LRRC4C: variants seen among roughly 807,000 people sequenced by gnomAD.
The protein encoded by LRRC4C is leucine-rich repeat-containing protein 4C.
Under a neutral mutation model 33.6 loss-of-function variants are expected in LRRC4C, and 5 were observed. The observed-to-expected ratio is 0.15, with a 90% CI of 0.08 to 0.31. The LOEUF is 0.31. Among genes scored for constraint, LRRC4C ranks in the 10% least tolerant of loss-of-function variants. LRRC4C has a pLI of 1.00. For missense variants in LRRC4C, 560 were observed against 796.7 expected (o/e 0.70, Z 3.58); for synonymous variants, 329 against 302.0 (o/e 1.09, Z -0.93).
intron 1 of LRRC4C, among the ~76,000 whole-genome samples, chr11:41,075,739 C>T (rs183206939): frequency 9.7e-4 from 148 of 152,238 alleles, no homozygotes; most frequent in Non-Finnish European, 9.7e-4. Flanking sequence ...GTATTATCTG[C>T]CCTTAATTCC....
intron 1 of LRRC4C, among the ~76,000 whole-genome samples, chr11:41,192,685 C>T (rs11036282): frequency 1.3e-5 from 2 of 151,884 alleles, no homozygotes; most frequent in African/African-American, 2.4e-5. Context: ...TGCAGAATTG[C>T]TATGAAAAAG....
chr11:40,980,197 C>A (rs1242443795), intron 1 of LRRC4C, among the ~76,000 whole-genome samples: 1 of 152,086 alleles, frequency 6.6e-6, no homozygotes, highest in Non-Finnish European at 1.5e-5. Context: ...GTCACAAAAG[C>A]ACTAAAATGG....
At chr11:41,086,252 C>T (rs1225764951) in intron 1 of LRRC4C, among the ~76,000 whole-genome samples, 2 of 152,038 alleles carry the variant, frequency 1.3e-5, no homozygotes, top group Non-Finnish European at 1.5e-5. Context: ...AAAATCAAGG[C>T]TATTTGCTTG....
intron 2 of LRRC4C, among the ~76,000 whole-genome samples, chr11:40,849,048 G>A (rs186019306): frequency 5.9e-5 from 9 of 152,112 alleles, no homozygotes; most frequent in South Asian, 4.2e-4. Context: ...GTCTTTTCAC[G>A]AGATGGGTCT....
chr11:41,311,355 A>G (rs1950638484), intron 1 of LRRC4C, among the ~76,000 whole-genome samples: 1 of 152,174 alleles, frequency 6.6e-6, no homozygotes, highest in Non-Finnish European at 1.5e-5. Context: ...AAAACAAAAA[A>G]CACCATTTAA....
At chr11:41,141,345 G>C (rs2135909228) in intron 1 of LRRC4C, among the ~76,000 whole-genome samples, 1 of 151,948 alleles carries the variant, frequency 6.6e-6, no homozygotes, top group East Asian at 1.9e-4. Context: ...TTATCTGTTT[G>C]ACACATAGAG....
intron 2 of LRRC4C, among the ~76,000 whole-genome samples, chr11:40,927,025 A>C (rs138894240): frequency 3.3e-5 from 5 of 152,300 alleles, no homozygotes; most frequent in Non-Finnish European, 5.9e-5. Context: ...AAATAAGCAA[A>C]TTTGGATAAA....
At chr11:41,016,694 T>C (rs1423370921) in intron 1 of LRRC4C, among the ~76,000 whole-genome samples, 1 of 105,912 alleles carries the variant, frequency 9.4e-6, no homozygotes, top group African/African-American at 3.1e-5. Flanking sequence ...TCAATAATCA[T>C]GAGTGAACAC....
At chr11:41,000,447 G>T (rs554286563) in intron 1 of LRRC4C, among the ~76,000 whole-genome samples, 29 of 152,180 alleles carry the variant, frequency 1.9e-4, no homozygotes, top group Non-Finnish European at 3.7e-4. Context: ...GATGTACACA[G>T]AATCGGTATA....
chr11:41,344,214 T>TGTG (rs1951728627), intron 1 of LRRC4C, among the ~76,000 whole-genome samples: 1 of 149,756 alleles, frequency 6.7e-6, no homozygotes, highest in African/African-American at 2.4e-5. Context: ...TTTGCTCCTC[T>TGTG]GTGAAGCCTT....
chr11:41,291,265 T>C (rs1949984779), intron 1 of LRRC4C, among the ~76,000 whole-genome samples: 1 of 152,102 alleles, frequency 6.6e-6, no homozygotes. Context: ...GTTTAGACAT[T>C]GATATTAGAT....
At chr11:41,271,834 A>G (rs193253101) in intron 1 of LRRC4C, among the ~76,000 whole-genome samples, 41 of 152,284 alleles carry the variant, frequency 2.7e-4, no homozygotes, top group African/African-American at 9.9e-4. Flanking sequence ...CATGTCTCAA[A>G]GGAAAAGAGG....
chr11:41,075,014 CTT>C (rs869112602), intron 1 of LRRC4C, among the ~76,000 whole-genome samples: 4 of 101,134 alleles, frequency 4.0e-5, no homozygotes, highest in Middle Eastern at 5.7e-3. Context: ...CTTCAATTTT[CTT>C]TTTTTTTTTT....
chr11:40,847,534 C>T (rs1187557977), intron 2 of LRRC4C, among the ~76,000 whole-genome samples: 1 of 152,114 alleles, frequency 6.6e-6, no homozygotes, highest in Admixed American at 6.6e-5. Flanking sequence ...TAATGTGTTG[C>T]TGGATTCAGT....
intron 3 of LRRC4C, among the ~76,000 whole-genome samples, chr11:40,428,999 G>A (rs1445316377): frequency 6.6e-6 from 1 of 152,146 alleles, no homozygotes; most frequent in African/African-American, 2.4e-5. Context: ...ATAATTGTTG[G>A]AAAATTGGGT....
At chr11:40,972,765 A>G (rs1026579809) in intron 1 of LRRC4C, among the ~76,000 whole-genome samples, 6 of 152,100 alleles carry the variant, frequency 3.9e-5, no homozygotes, top group African/African-American at 1.4e-4. Flanking sequence ...TCATGATATA[A>G]TCACTTCCCA....
intron 2 of LRRC4C, among the ~76,000 whole-genome samples, chr11:40,656,269 C>G (rs980043645): frequency 2.0e-5 from 3 of 151,104 alleles, no homozygotes; most frequent in African/African-American, 7.3e-5. Flanking sequence ...ACTCTACCTT[C>G]CCTATTCTCC....
intron 1 of LRRC4C, among the ~76,000 whole-genome samples, chr11:41,432,035 C>T (rs536352677): frequency 3.3e-5 from 5 of 151,910 alleles, no homozygotes; most frequent in African/African-American, 9.7e-5. Context: ...TGGTCACCAG[C>T]GAGAAAAGTT....
intron 3 of LRRC4C, among the ~76,000 whole-genome samples, chr11:40,637,071 G>C (rs965472865): frequency 2.0e-5 from 3 of 152,172 alleles, no homozygotes; most frequent in African/African-American, 7.2e-5. Context: ...AGGTTAATTA[G>C]TCTTCCAGGC....
Sources: gnomAD v4.1 joint callset for allele counts (sites outside exome capture counted in the v4.1 genomes callset) on GRCh38, gnomAD v4.1.1 for gene constraint, MANE v1.5 for transcripts, NCBI Gene and HGNC (gene_info 2026-07-23, HGNC 2026-07-21) for gene names.